The following ACYP2 variants were observed in gnomAD, a reference collection of about 807,000 sequenced individuals.
ACYP2 encodes the protein acylphosphatase 2, also known as acylphosphatase-2.
In ACYP2, 12 loss-of-function variants were observed where a neutral mutation model predicts 11.2. The observed-to-expected ratio is 1.08, with a 90% CI of 0.69 to 1.74. The LOEUF (loss-of-function observed/expected upper bound fraction) is 1.74, where lower values mean the gene tolerates loss of function less well. ACYP2 is among the 40% of genes most tolerant of loss of function. The pLI, the probability that ACYP2 is intolerant of heterozygous loss-of-function variation, is 0.00. For synonymous variants in ACYP2, 43 were observed against 32.2 expected (o/e 1.33, Z -1.13); for missense variants, 134 against 101.9 (o/e 1.31, Z -1.35).
chr2:54,216,885 G>C (rs368488910), intron 6 of ACYP2, among the ~76,000 whole-genome samples: 1 of 152,274 alleles, frequency 6.6e-6, no homozygotes. Flanking sequence ...TTCTTGTTAA[G>C]TTTATTTTAC....
chr2:54,013,488 C>T (rs546184973), intron 2 of ACYP2, among the ~76,000 whole-genome samples: 9 of 151,794 alleles, frequency 5.9e-5, no homozygotes, highest in South Asian at 2.1e-4. Flanking sequence ...TTAGTAGAGA[C>T]GCGGTTTCAT....
At chr2:54,288,880 C>T (rs920683071) in intron 6 of ACYP2, among the ~76,000 whole-genome samples, 2 of 151,990 alleles carry the variant, frequency 1.3e-5, no homozygotes, top group East Asian at 3.8e-4. Context: ...ACTTTGTAGA[C>T]CCAATCTCAG....
At chr2:54,004,594 G>A (rs1157040638) in intron 2 of ACYP2, among the ~76,000 whole-genome samples, 1 of 151,264 alleles carries the variant, frequency 6.6e-6, no homozygotes, top group African/African-American at 2.4e-5. Flanking sequence ...TGTATTTTTA[G>A]TAGAGACGGG....
At chr2:54,138,594 A>G (rs779675864) in intron 5 of ACYP2, 45 bp from the exon 3 acceptor site, 1 of 1,490,048 alleles carries the variant, frequency 6.7e-7, no homozygotes, top group Admixed American at 1.9e-5. Flanking sequence ...ATGAACTCAG[A>G]CTTTTGATGC....
At chr2:54,011,681 A>G (rs1208457895) in intron 2 of ACYP2, among the ~76,000 whole-genome samples, 3 of 152,154 alleles carry the variant, frequency 2.0e-5, no homozygotes, top group Non-Finnish European at 4.4e-5. Context: ...TATTCTGACA[A>G]ATTGGGACAC....
intron 6 of ACYP2, among the ~76,000 whole-genome samples, chr2:54,153,065 C>G (rs1026503037): frequency 9.2e-5 from 14 of 151,888 alleles, no homozygotes; most frequent in African/African-American, 3.4e-4. Context: ...CAGTTTTCCC[C>G]CTATGTTTTC....
chr2:54,071,884 A>C lies in ACYP2; in HGVS notation c.277+14524A>C, dbSNP rs200077901. Among the ~76,000 whole-genome samples, 3 of 151,972 alleles carry C rather than the reference A, an allele frequency of 2.0e-5. No individual in the cohort carries two copies. The East Asian group carries it at 5.8e-4, about 29-fold the overall frequency. ...AACTTAGGTGGGCATGGTGGCGCGC[A>C]CCTGTAATCCCAGCTACTTAGGAGG... On this transcript the variant is annotated intron_variant, in intron 4 of 6. Transcript: ENST00000607452.
rs1340172453 is a variant in ACYP2 at position 54,219,893 on chromosome 2, A to G, written c.404+81145A>G. Among the ~76,000 whole-genome samples, 107 of 76,246 alleles carry G rather than the reference A, an allele frequency of 1.4e-3. 1 individual carries two copies. Among genetic ancestry groups the G allele is most frequent in the East Asian group, 0.012 (26 of 2,250 alleles). 50.0% of individuals were successfully genotyped at this position (76,246 alleles called of 152,430 possible). A position where few individuals can be genotyped will look rare whatever the true frequency, so the allele number is the denominator to read the frequency against. On this transcript the variant is annotated intron_variant, in intron 6 of 6. Coordinates refer to ENST00000607452, the MANE Select transcript of ACYP2 (RefSeq NM_001320586.2). ...TGTGTGTGTGTGTGTATATATATAT[A>G]TATATATATATATTTTTTTTTTTTT... is the stretch of plus-strand genomic sequence containing the variant.
chr2:54,291,630 G>A (rs1041177973), intron 6 of ACYP2, among the ~76,000 whole-genome samples: 1 of 152,160 alleles, frequency 6.6e-6, no homozygotes, highest in Non-Finnish European at 1.5e-5. Context: ...ATTTGAATTT[G>A]GGACTGAGTT....
chr2:54,250,178 C>T (rs1687153375), intron 6 of ACYP2, among the ~76,000 whole-genome samples: 1 of 152,118 alleles, frequency 6.6e-6, no homozygotes, highest in Non-Finnish European at 1.5e-5. Context: ...GACCCCTCTA[C>T]TTTAAGTATC....
intron 6 of ACYP2, among the ~76,000 whole-genome samples, chr2:54,192,706 C>T (rs568296921): frequency 1.3e-5 from 2 of 152,096 alleles, no homozygotes; most frequent in Admixed American, 6.5e-5. Context: ...AAGAACTGCC[C>T]GAGATTGGGT....
intron 2 of ACYP2, among the ~76,000 whole-genome samples, chr2:54,002,580 A>AGAGTGAGACTTCGTCT (rs1672853860): frequency 1.3e-5 from 2 of 151,588 alleles, no homozygotes; most frequent in African/African-American, 2.4e-5. Context: ...CTTGCACTCA[A>AGAGTGAGACTTCGTCT]CTGATTCACC....
intron 6 of ACYP2, among the ~76,000 whole-genome samples, chr2:54,192,830 A>C (rs948879531): frequency 6.6e-6 from 1 of 152,146 alleles, no homozygotes; most frequent in Non-Finnish European, 1.5e-5. Context: ...AGGAGAGAGA[A>C]TGAGTACCAG....
chr2:54,046,482 TAAA>T (rs34695884), intron 2 of ACYP2, among the ~76,000 whole-genome samples: 140 of 88,792 alleles, frequency 1.6e-3, no homozygotes, highest in East Asian at 2.7e-3. Context: ...CAAGACTGTC[TAAA>T]AAAAAAAAAA....
chr2:54,278,573 G>A (rs967682875), intron 6 of ACYP2, among the ~76,000 whole-genome samples: 2 of 152,146 alleles, frequency 1.3e-5, no homozygotes, highest in East Asian at 3.9e-4. Context: ...AAACTGCTAG[G>A]ATTGATTAGC....
intron 4 of ACYP2, among the ~76,000 whole-genome samples, chr2:54,102,638 CAAAAAAAAAAAAAAAAAA>C (rs58842257): frequency 2.0e-4 from 17 of 83,330 alleles, no homozygotes; most frequent in African/African-American, 8.2e-4. Context: ...TGGCTTAAGC[CAAAAAAAAAAAAAAAAAA>C]AAAAAAAAAA....
At chr2:54,149,838 A>T (rs1395596084) in intron 6 of ACYP2, among the ~76,000 whole-genome samples, 2 of 152,256 alleles carry the variant, frequency 1.3e-5, no homozygotes, top group Non-Finnish European at 2.9e-5. Context: ...GTCATAATAC[A>T]AGGAATGCTT....
intron 6 of ACYP2, among the ~76,000 whole-genome samples, chr2:54,191,528 A>G (rs1684239988): frequency 6.6e-6 from 1 of 152,188 alleles, no homozygotes; most frequent in Admixed American, 6.5e-5. Flanking sequence ...ACCTTGCACA[A>G]GTTAATTAAC....
intron 6 of ACYP2, among the ~76,000 whole-genome samples, chr2:54,250,727 A>G (rs1687185150): frequency 6.6e-6 from 1 of 152,248 alleles, no homozygotes; most frequent in Admixed American, 6.5e-5. Context: ...TTCAAATGGT[A>G]AATTATTATC....
Sources: allele counts gnomAD v4.1 joint callset (sites outside exome capture counted in the v4.1 genomes callset), GRCh38; gene constraint gnomAD v4.1.1; transcripts MANE v1.5; gene names NCBI Gene and HGNC (gene_info 2026-07-23, HGNC 2026-07-21).